The following STAT4 variants were observed in gnomAD, a reference collection of about 807,000 sequenced individuals.
The protein encoded by STAT4 is signal transducer and activator of transcription 4.
In STAT4, 42 loss-of-function variants were observed where a neutral mutation model predicts 110.5. That is an observed-to-expected ratio of 0.38 (90% CI 0.30 to 0.49). STAT4 has a LOEUF of 0.49. Ranked by LOEUF, STAT4 falls within the 20% of genes least tolerant of loss-of-function variation. The pLI is 0.95. For synonymous variants in STAT4, 284 were observed against 302.2 expected (o/e 0.94, Z 0.63); for missense variants, 632 against 887.9 (o/e 0.71, Z 3.66).
intron 6 of STAT4, 77 bp downstream of exon 6, chr2:191,069,616 C>T (rs2125249596): frequency 9.1e-7 from 1 of 1,104,736 alleles, no homozygotes; most frequent in Non-Finnish European, 1.3e-6. Flanking sequence ...CAAATTTATC[C>T]ACTCTGTCAG....
intron 3 of STAT4, among the ~76,000 whole-genome samples, chr2:191,132,979 A>C (rs920447724): frequency 1.2e-4 from 18 of 151,070 alleles, no homozygotes; most frequent in African/African-American, 2.2e-4. Context: ...TGGTCTCGAT[A>C]TCCTGACCTC....
chr2:191,064,085 T>C (rs371695858), intron 8 of STAT4, among the ~76,000 whole-genome samples: 1 of 152,272 alleles, frequency 6.6e-6, no homozygotes, highest in East Asian at 1.9e-4. Flanking sequence ...TACATTTCAT[T>C]GCATGTGTGC....
intron 3 of STAT4, among the ~76,000 whole-genome samples, chr2:191,105,620 C>T (rs924318249): frequency 6.1e-4 from 93 of 152,112 alleles, no homozygotes; most frequent in African/African-American, 1.9e-3. Flanking sequence ...TTCATTTTAC[C>T]CACTAAAGAT....
At chr2:191,055,277 C>T (rs532253378) in intron 13 of STAT4, among the ~76,000 whole-genome samples, 5 of 151,422 alleles carry the variant, frequency 3.3e-5, no homozygotes, top group African/African-American at 1.2e-4. Flanking sequence ...CGGCTCACTG[C>T]AAGCTCCACC....
At chr2:191,093,230 A>G (rs1001753813) in intron 3 of STAT4, among the ~76,000 whole-genome samples, 11 of 152,214 alleles carry the variant, frequency 7.2e-5, no homozygotes, top group African/African-American at 2.7e-4. Context: ...CTGAGAATGG[A>G]CAGACTGCCT....
rs370994385 is a variant in STAT4, at chr2:191,116,653, T to A, written c.273+29960A>T. Among the ~76,000 whole-genome samples, 27 of 152,206 alleles carry A rather than the reference T, an allele frequency of 1.8e-4. 2 individuals are homozygous for A. In the East Asian group the frequency reaches 2.5e-3, roughly 14 times the overall value. On this transcript the variant is annotated intron_variant, in intron 3 of 23. Transcript: ENST00000392320. The surrounding 1 kb of genome is among the most constrained non-coding windows in gnomAD (Gnocchi z 4.1). ...ACACCACTGAAGGCTGCTTGAAGAC[T>A]CAGCTCCAGTATAATTACTTGCAAT...
intron 3 of STAT4, among the ~76,000 whole-genome samples, chr2:191,094,010 G>T (rs1294480676): frequency 6.6e-6 from 1 of 152,138 alleles, no homozygotes; most frequent in Non-Finnish European, 1.5e-5. Flanking sequence ...TCAAATTAAT[G>T]AAATAAAGCA....
chr2:191,119,588 T>A (rs1698664161), intron 3 of STAT4, among the ~76,000 whole-genome samples: 1 of 152,174 alleles, frequency 6.6e-6, no homozygotes, highest in Non-Finnish European at 1.5e-5. Context: ...ATTATTAAGA[T>A]GTCATTTTTT....
At chr2:191,034,371 C>G (rs929449832) in intron 18 of STAT4, among the ~76,000 whole-genome samples, 177 bp downstream of exon 18, 4 of 149,164 alleles carry the variant, frequency 2.7e-5, no homozygotes, top group Admixed American at 6.7e-5. Flanking sequence ...TGCAGTGAGC[C>G]GAGATTGCGC....
In STAT4 at chr2:191,037,508, G is replaced by A. The variant is rs1696076598; in HGVS notation, c.1435-1209C>T. Among the ~76,000 whole-genome samples the A allele has an allele frequency of 1.3e-5, 2 of 152,036 alleles. No individual in the cohort carries two copies. Among genetic ancestry groups the A allele is most frequent in the Admixed American group, 1.3e-4 (2 of 15,248 alleles). ...ACAAACGAGATTGTGCCAGAAACCA[G>A]GTCAACAATAGTGAAACATAAGACT... is the stretch of plus-strand genomic sequence containing the variant. On this transcript the variant is annotated intron_variant, in intron 16 of 23. Coordinates refer to ENST00000392320, the MANE Select transcript of STAT4 (RefSeq NM_003151.4). This position sits in a 1 kb window ranked among gnomAD's most constrained non-coding sequence, Gnocchi z 4.8.
At position 191,030,380 on chromosome 2, in the gene STAT4, A is replaced by G. The variant is rs535694332; in HGVS notation, c.2221-514T>C. Among the ~76,000 whole-genome samples, 1 of 152,344 alleles carries G rather than the reference A, an allele frequency of 6.6e-6. No homozygotes were observed. The highest frequency in any genetic ancestry group is 2.1e-4 in the South Asian group (1 of 4,828). ...TGACAGTATTGGTGGATAAGAGCAA[A>G]TAGCATGCATCCCAAATAACATTAT... On this transcript the variant is annotated intron_variant, in intron 23 of 23. Coordinates refer to ENST00000392320, the MANE Select transcript of STAT4 (RefSeq NM_003151.4). This position sits in a 1 kb window ranked among gnomAD's most constrained non-coding sequence, Gnocchi z 4.4.
intron 3 of STAT4, among the ~76,000 whole-genome samples, chr2:191,126,916 T>C (rs4261749): frequency 0.61 from 92,231 of 151,652 alleles, 28,787 homozygotes; most frequent in South Asian, 0.78. Context: ...GCCTTCTGGG[T>C]TCAAGTCAGC....
chr2:191,124,196 C>T (rs74679803), intron 3 of STAT4, among the ~76,000 whole-genome samples: 347 of 152,302 alleles, frequency 2.3e-3, no homozygotes, highest in African/African-American at 7.7e-3. Flanking sequence ...GTGGCTCACA[C>T]GTGTAATCCC....
At chr2:191,041,293 C>T (rs552247764) in intron 14 of STAT4, 145 bp from the exon 15 acceptor site, 2 of 324,980 alleles carry the variant, frequency 6.2e-6, no homozygotes, top group African/African-American at 4.4e-5. Context: ...AACATTCCCT[C>T]TTATTGTTTT....
chr2:191,088,513 T>C (rs1697702106), intron 3 of STAT4, among the ~76,000 whole-genome samples: 2 of 152,292 alleles, frequency 1.3e-5, no homozygotes, highest in South Asian at 2.1e-4. Flanking sequence ...CACTTATCTA[T>C]AGATTCAATG....
chr2:191,073,771 G>T (rs529196507), intron 4 of STAT4, among the ~76,000 whole-genome samples: 1 of 152,078 alleles, frequency 6.6e-6, no homozygotes, highest in Non-Finnish European at 1.5e-5. Context: ...ACATATATGC[G>T]CATGTATGTA....
rs746684232 is a variant in STAT4, at chr2:191,061,938, T to G, written c.942-117A>C. On this transcript the variant is annotated intron_variant, in intron 9 of 23. Transcript: ENST00000392320. The surrounding 1 kb of genome is among the most constrained non-coding windows in gnomAD (Gnocchi z 6.2). ...GTCCAAATTTTCTACACTTAGAAGATATTCAAACCCCCAATTAAACTCAAA... is the reference window on the plus strand; with the variant it reads ...GTCCAAATTTTCTACACTTAGAAGAGATTCAAACCCCCAATTAAACTCAAA... The G allele has an allele frequency of 2.7e-5, 22 of 821,632 alleles. No individual in the cohort carries two copies. Among genetic ancestry groups the G allele is most frequent in the Non-Finnish European group, 4.2e-5 (21 of 494,986 alleles). 50.9% of individuals were successfully genotyped at this position (821,632 alleles called of 1,614,324 possible).
Position 191,046,896 on chromosome 2 carries a change from C to T in STAT4, c.1252-5748G>A, listed in dbSNP as rs900617619. Among the ~76,000 whole-genome samples the T allele has an allele frequency of 1.3e-5, 2 of 151,978 alleles. No individual in the cohort carries two copies. The highest frequency in any genetic ancestry group is 4.8e-5 in the African/African-American group (2 of 41,352). On this transcript the variant is annotated intron_variant, in intron 14 of 23. Transcript: ENST00000392320. This position sits in a 1 kb window ranked among gnomAD's most constrained non-coding sequence, Gnocchi z 4.6. Reference sequence around the variant, plus strand: ...CTGGAATTTTCTGGCATTTTCTGTCCTAATGAAGTGTATCTTGGTGGGCTT... The same window carrying T: ...CTGGAATTTTCTGGCATTTTCTGTCTTAATGAAGTGTATCTTGGTGGGCTT...
At chr2:191,076,795 A>C (rs767779960) in intron 3 of STAT4, among the ~76,000 whole-genome samples, 3 of 151,926 alleles carry the variant, frequency 2.0e-5, no homozygotes, top group Non-Finnish European at 2.9e-5. Flanking sequence ...ACAGGGATGC[A>C]CCACCATGCC....
Sources: gnomAD v4.1 joint callset for allele counts (sites outside exome capture counted in the v4.1 genomes callset) on GRCh38, gnomAD v4.1.1 for gene constraint, Gnocchi (gnomAD v3.1) non-coding constraint, MANE v1.5 for transcripts, NCBI Gene and HGNC (gene_info 2026-07-23, HGNC 2026-07-21) for gene names.